ELMOD1: variants seen among roughly 807,000 people sequenced by gnomAD.
ELMOD1 encodes the protein ELMO domain-containing protein 1.
In ELMOD1, 21 loss-of-function variants were observed where a neutral mutation model predicts 46.7. The ratio of observed to expected loss-of-function variants is 0.45; its 90% CI spans 0.32 to 0.65. The LOEUF (loss-of-function observed/expected upper bound fraction) is 0.65, where lower values mean the gene tolerates loss of function less well. Among genes scored for constraint, ELMOD1 ranks in the 30% least tolerant of loss-of-function variants. The probability of loss-of-function intolerance (pLI) is 0.04; values close to 1 mark genes in which losing one functional copy is unlikely to be tolerated. For missense variants in ELMOD1, 348 were observed against 407.8 expected (o/e 0.85, Z 1.26); for synonymous variants, 122 against 138.2 (o/e 0.88, Z 0.82).
chr11:107,647,654 T>A (rs1866455105), intron 7 of ELMOD1, 53 bp downstream of exon 7: 1 of 1,557,722 alleles, frequency 6.4e-7, no homozygotes, highest in Non-Finnish European at 8.7e-7. Context: ...GGTCTCCTCA[T>A]ACTGAAATGG....
intron 11 of ELMOD1, among the ~76,000 whole-genome samples, chr11:107,657,049 T>C (rs1414572107): frequency 2.6e-5 from 4 of 151,308 alleles, no homozygotes; most frequent in Admixed American, 2.6e-4. Context: ...GAAGTATGAG[T>C]TTTCATACCC....
At chr11:107,619,698 AG>A (rs1420498228) in intron 2 of ELMOD1, among the ~76,000 whole-genome samples, 3 of 152,244 alleles carry the variant, frequency 2.0e-5, no homozygotes, top group Non-Finnish European at 4.4e-5. Flanking sequence ...TAAACTGAAT[AG>A]GTGCACAAAG....
At chr11:107,622,529 TC>T (rs1865967894) in intron 2 of ELMOD1, among the ~76,000 whole-genome samples, 1 of 152,206 alleles carries the variant, frequency 6.6e-6, no homozygotes, top group Non-Finnish European at 1.5e-5. Flanking sequence ...AGACATCTAG[TC>T]CAATCCCTTC....
chr11:107,618,843 G>A (rs529810773), intron 2 of ELMOD1, among the ~76,000 whole-genome samples: 1 of 152,230 alleles, frequency 6.6e-6, no homozygotes, highest in African/African-American at 2.4e-5. Context: ...CAAGAGTATT[G>A]ACTGTCATTC....
At position 107,630,715 on chromosome 11, in the gene ELMOD1, A is replaced by G. The variant is rs779197750; in HGVS notation, c.179A>G (p.Asp60Gly). Residue 60 changes from aspartate to glycine, a missense_variant, in exon 4 of 12, where the codon GAT becomes GGT. Transcript: ENST00000265840. ...GCTTTCACAGAAACATCACTGAGGG[A>G]TTCTAAAAGTAAGGTAAGTAAAATT... Reference protein sequence around the residue: ...RTMKIETSLRDSKSKLLQTSV... With the variant: ...RTMKIETSLRGSKSKLLQTSV... The G allele has an allele frequency of 2.6e-5, 42 of 1,606,942 alleles. No individual in the cohort carries two copies. The highest frequency in any genetic ancestry group is 3.6e-5 in the Non-Finnish European group (42 of 1,176,772).
In ELMOD1 at chr11:107,609,169, C is replaced by T. The variant is rs992443203; in HGVS notation, c.-85-8936C>T. Among the ~76,000 whole-genome samples the T allele has an allele frequency of 7.2e-5, 11 of 152,272 alleles. No individual in the cohort carries two copies. The South Asian group carries it at 1.4e-3, about 20-fold the overall frequency. On this transcript the variant is annotated intron_variant, in intron 1 of 11. Transcript: ENST00000265840. Reference sequence around the variant, plus strand: ...GTAAAGCTTACAGCATATTGCCTGGCACATAATAAGTACTTTGTGAATATT... The same window carrying T: ...GTAAAGCTTACAGCATATTGCCTGGTACATAATAAGTACTTTGTGAATATT...
intron 2 of ELMOD1, among the ~76,000 whole-genome samples, chr11:107,628,187 A>T (rs1338121202): frequency 6.6e-6 from 1 of 151,294 alleles, no homozygotes; most frequent in Admixed American, 6.6e-5. Flanking sequence ...GTTTTGTTTG[A>T]GACAGAGTCT....
intron 6 of ELMOD1, among the ~76,000 whole-genome samples, chr11:107,646,945 T>TCTAC (rs1491440639): frequency 1.2e-4 from 7 of 56,790 alleles, no homozygotes; most frequent in African/African-American, 5.8e-4. Context: ...ATCTATCTAA[T>TCTAC]CTATCTATCT....
At chr11:107,654,651 C>G (rs1016282684) in intron 10 of ELMOD1, among the ~76,000 whole-genome samples, 3 of 151,960 alleles carry the variant, frequency 2.0e-5, no homozygotes, top group African/African-American at 7.2e-5. Context: ...CGCCTGTAGT[C>G]CCAGCTACTC....
Position 107,597,279 on chromosome 11 carries a change from T to A in ELMOD1, c.-86+5870T>A, listed in dbSNP as rs1281080159. Among the ~76,000 whole-genome samples the A allele has an allele frequency of 2.0e-5, 3 of 152,292 alleles. No homozygotes were observed. In the East Asian group the frequency reaches 5.8e-4, roughly 29 times the overall value. On this transcript the variant is annotated intron_variant, in intron 1 of 11. Coordinates refer to ENST00000265840, the MANE Select transcript of ELMOD1 (RefSeq NM_018712.4). Reference sequence around the variant, plus strand: ...ATATTTTAAAAGGATGGATGTGAAGTTCATTTAGGTTCTAAAATCACTTGC... The same window carrying A: ...ATATTTTAAAAGGATGGATGTGAAGATCATTTAGGTTCTAAAATCACTTGC...
At chr11:107,655,015 A>C (rs1866601495) in intron 10 of ELMOD1, among the ~76,000 whole-genome samples, 1 of 152,186 alleles carries the variant, frequency 6.6e-6, no homozygotes, top group African/African-American at 2.4e-5. Context: ...CACTGTGTTA[A>C]GATCCTTATT....
chr11:107,660,087 A>G (rs1383443661), intron 11 of ELMOD1, among the ~76,000 whole-genome samples: 2 of 152,070 alleles, frequency 1.3e-5, no homozygotes, highest in Non-Finnish European at 2.9e-5. Flanking sequence ...AGGGAAACAA[A>G]CTGTGCCCTA....
chr11:107,660,072 C>A (rs774631180), intron 11 of ELMOD1, among the ~76,000 whole-genome samples: 1 of 152,102 alleles, frequency 6.6e-6, no homozygotes, highest in Non-Finnish European at 1.5e-5. Flanking sequence ...GCTCAGGCCT[C>A]TCTAAGGGAA....
chr11:107,655,876 G>A (rs1866621079), intron 10 of ELMOD1, 57 bp from the exon 11 acceptor site: 2 of 1,554,438 alleles, frequency 1.3e-6, no homozygotes, highest in South Asian at 1.2e-5. Context: ...ATGCTAATGG[G>A]AAATACTTAT....
At chr11:107,659,114 T>A (rs1446058861) in intron 11 of ELMOD1, among the ~76,000 whole-genome samples, 2 of 151,978 alleles carry the variant, frequency 1.3e-5, no homozygotes, top group African/African-American at 2.4e-5. Flanking sequence ...GTATGTGGAT[T>A]TAAGAAATAG....
intron 1 of ELMOD1, among the ~76,000 whole-genome samples, chr11:107,607,632 G>A (rs969442098): frequency 6.6e-6 from 1 of 152,016 alleles, no homozygotes; most frequent in Non-Finnish European, 1.5e-5. Context: ...ACTCCAGCCT[G>A]GGCGCCAGAG....
chr11:107,647,673 G>C (rs989242818), intron 7 of ELMOD1, 72 bp downstream of exon 7: 4 of 1,475,592 alleles, frequency 2.7e-6, no homozygotes, highest in Non-Finnish European at 3.6e-6. Flanking sequence ...GGCAAAAGTT[G>C]AGTAATTAGC....
rs1866846015 is a variant in ELMOD1 at position 107,666,411 on chromosome 11, A to G, written c.*1214A>G. On this transcript the variant is annotated 3_prime_UTR_variant, in exon 12 of 12. Coordinates refer to ENST00000265840, the MANE Select transcript of ELMOD1 (RefSeq NM_018712.4). ...TTTTCTATGTCAAGGGGCAATATTA[A>G]AAAACAATTTGCAAGAAAATGTGTT... 6.6e-6 allele frequency: 1 copy of G among 152,466 alleles called. No individual in the cohort carries two copies. The allele number at this position is 152,466 out of a possible 1,614,324, so 9.4% of individuals were successfully genotyped here. A position where few individuals can be genotyped will look rare whatever the true frequency, so the allele number is the denominator to read the frequency against.
At chr11:107,613,312 A>G (rs556938440) in intron 1 of ELMOD1, among the ~76,000 whole-genome samples, 1 of 152,322 alleles carries the variant, frequency 6.6e-6, no homozygotes, top group South Asian at 2.1e-4. Flanking sequence ...CCTTAGAACA[A>G]TCCTACAAGC....
Sources: gnomAD v4.1 joint callset for allele counts (sites outside exome capture counted in the v4.1 genomes callset) on GRCh38, gnomAD v4.1.1 for gene constraint, MANE v1.5 for transcripts, NCBI Gene and HGNC (gene_info 2026-07-23, HGNC 2026-07-21) for gene names.